RYR2: variants seen among roughly 807,000 people sequenced by gnomAD.
The protein encoded by RYR2 is cardiac muscle ryanodine receptor-calcium release channel.
A neutral mutation model predicts 601.1 loss-of-function variants in RYR2; 227 were observed. The ratio of observed to expected loss-of-function variants is 0.38; its 90% CI spans 0.34 to 0.42. The LOEUF is 0.42. Ranked by LOEUF, RYR2 falls within the 10% of genes least tolerant of loss-of-function variation. RYR2 has a pLI of 1.00. For synonymous variants in RYR2, 2,223 were observed against 2,175.1 expected (o/e 1.02, Z -0.61); for missense variants, 4,646 against 6,156.5 (o/e 0.75, Z 8.21).
chr1:237,252,470 T>C (rs923024958), intron 1 of RYR2, among the ~76,000 whole-genome samples: 1 of 152,216 alleles, frequency 6.6e-6, no homozygotes, highest in African/African-American at 2.4e-5. Flanking sequence ...AATTCCTGGC[T>C]TTTATCACGA....
At chr1:237,053,506 C>T (rs927973707) in intron 1 of RYR2, among the ~76,000 whole-genome samples, 2 of 152,254 alleles carry the variant, frequency 1.3e-5, no homozygotes, top group South Asian at 2.1e-4. Flanking sequence ...AAAGTCAGCC[C>T]GACTTGAGTC....
At chr1:237,321,968 G>T (rs151229088) in intron 2 of RYR2, among the ~76,000 whole-genome samples, 1 of 152,124 alleles carries the variant, frequency 6.6e-6, no homozygotes, top group African/African-American at 2.4e-5. Flanking sequence ...GGGCAGGCTG[G>T]TTAATGCTTA....
At chr1:237,160,531 G>GT (rs982148036) in intron 1 of RYR2, among the ~76,000 whole-genome samples, 11 of 151,722 alleles carry the variant, frequency 7.3e-5, no homozygotes, top group Admixed American at 3.3e-4. Context: ...TAATGTCTGG[G>GT]TTTTTTTTGG....
intron 99 of RYR2, among the ~76,000 whole-genome samples, chr1:237,806,889 C>T (rs1425804018): frequency 6.6e-6 from 1 of 152,102 alleles, no homozygotes; most frequent in Admixed American, 6.6e-5. Flanking sequence ...TTAAGACTTC[C>T]CATTATCCTG....
rs138019171 is a variant in RYR2 at position 237,042,322 on chromosome 1, C to A, written c.-200C>A. 7,382 of 301,022 alleles carry A rather than the reference C, an allele frequency of 0.025. 515 individuals carry two copies. The highest frequency in any genetic ancestry group is 0.15 in the African/African-American group (6,643 of 44,790). The allele number at this position is 301,022 out of a possible 1,614,324, so 18.6% of individuals were successfully genotyped here. ...CAGTGCGGAGCAGGGAGGCCCCGCG[C>A]CTCGACCACCCGCGCCCGAGCGTCC... On this transcript the variant is annotated 5_prime_UTR_variant, in exon 1 of 105. Transcript: ENST00000366574.
intron 29 of RYR2, among the ~76,000 whole-genome samples, chr1:237,582,939 T>TATATATAC (rs1553511952): frequency 6.6e-5 from 10 of 150,556 alleles, no homozygotes; most frequent in African/African-American, 2.4e-4. Flanking sequence ...TATATATATA[T>TATATATAC]ACCCAGTAAT....
At chr1:237,248,267 ACCCCCCGCAACCCCGCCCCCCC>A (rs1558494519) in intron 1 of RYR2, among the ~76,000 whole-genome samples, 11 of 57,354 alleles carry the variant, frequency 1.9e-4, no homozygotes, top group Non-Finnish European at 2.6e-4. Context: ...GCAAGACTCC[ACCCCCCGCAACCCCGCCCCCCC>A]CCCCCCCCCC....
chr1:237,438,957 T>C (rs1707652372), intron 12 of RYR2, among the ~76,000 whole-genome samples: 1 of 152,220 alleles, frequency 6.6e-6, no homozygotes, highest in Admixed American at 6.5e-5. Flanking sequence ...TTTTCCAAAG[T>C]AGAACAACTC....
chr1:237,392,680 T>A (rs1472752351), intron 10 of RYR2, among the ~76,000 whole-genome samples: 1 of 152,204 alleles, frequency 6.6e-6, no homozygotes, highest in East Asian at 1.9e-4. Context: ...GACTTATTTA[T>A]GGATTTGATA....
chr1:237,043,107 G>A (rs1365015135), intron 1 of RYR2, among the ~76,000 whole-genome samples: 1 of 152,220 alleles, frequency 6.6e-6, no homozygotes, highest in Admixed American at 6.5e-5. Flanking sequence ...AGCGTGCGGC[G>A]CAGCTGACCG....
chr1:237,687,385 A>ATTTTCCC, intron 62 of RYR2, 70 bp from the exon 63 acceptor site: 2 of 209,454 alleles, frequency 9.5e-6, no homozygotes, highest in Non-Finnish European at 7.7e-6. Flanking sequence ...TTTTTTTTTT[A>ATTTTCCC]ATTTCCCCCT....
At chr1:237,288,737 C>T (rs565860766) in intron 2 of RYR2, among the ~76,000 whole-genome samples, 4 of 152,196 alleles carry the variant, frequency 2.6e-5, no homozygotes, top group African/African-American at 9.6e-5. Context: ...AGGGTACCTG[C>T]CTTCCAGCTG....
chr1:237,715,889 C>A (rs1229789972), intron 71 of RYR2, among the ~76,000 whole-genome samples: 1 of 152,090 alleles, frequency 6.6e-6, no homozygotes, highest in Non-Finnish European at 1.5e-5. Context: ...GTCCTTTGAA[C>A]AAAGAGCCCA....
At chr1:237,781,051 T>C (rs1695064629) in intron 88 of RYR2, among the ~76,000 whole-genome samples, 2 of 151,614 alleles carry the variant, frequency 1.3e-5, no homozygotes, top group Admixed American at 1.3e-4. Flanking sequence ...TCGGTACAAA[T>C]ACTTTTTTTT....
At chr1:237,752,456 T>C (rs1481946263) in intron 80 of RYR2, among the ~76,000 whole-genome samples, 2 of 141,078 alleles carry the variant, frequency 1.4e-5, no homozygotes, top group Admixed American at 1.4e-4. Flanking sequence ...GGCTCATTTA[T>C]TTAATTAAAA....
At chr1:237,282,784 A>ATATT (rs1236294337) in intron 2 of RYR2, among the ~76,000 whole-genome samples, 1 of 152,230 alleles carries the variant, frequency 6.6e-6, no homozygotes, top group African/African-American at 2.4e-5. Flanking sequence ...ATAGCTCAAT[A>ATATT]GAGTGTGATA....
At chr1:237,814,079 T>A (rs1477213913) in intron 100 of RYR2, among the ~76,000 whole-genome samples, 1 of 152,204 alleles carries the variant, frequency 6.6e-6, no homozygotes, top group Non-Finnish European at 1.5e-5. Flanking sequence ...ATTACCTAGA[T>A]TGACATTCCA....
chr1:237,754,399 C>G (rs958725078), intron 80 of RYR2, among the ~76,000 whole-genome samples: 1 of 152,072 alleles, frequency 6.6e-6, no homozygotes, highest in African/African-American at 2.4e-5. Flanking sequence ...CTGATCTTCC[C>G]CCTTTTGGAG....
intron 17 of RYR2, among the ~76,000 whole-genome samples, chr1:237,485,886 A>G (rs971668863): frequency 2.6e-5 from 4 of 152,152 alleles, no homozygotes; most frequent in African/African-American, 9.7e-5. Flanking sequence ...GCCATTAAAG[A>G]TTTTAAGCAA....
Sources: allele counts gnomAD v4.1 joint callset (sites outside exome capture counted in the v4.1 genomes callset), GRCh38; gene constraint gnomAD v4.1.1; transcripts MANE v1.5; gene names NCBI Gene and HGNC (gene_info 2026-07-23, HGNC 2026-07-21).